The following PAK1 variants were observed in gnomAD, a reference collection of about 807,000 sequenced individuals.
The protein encoded by PAK1 is serine/threonine-protein kinase PAK 1.
PAK1 carries 29 observed loss-of-function variants against 67.4 expected under a neutral mutation model. The observed-to-expected ratio is 0.43, with a 90% CI of 0.32 to 0.59. PAK1 has a LOEUF of 0.59. Ranked by LOEUF, PAK1 falls within the 20% of genes least tolerant of loss-of-function variation. The pLI, the probability that PAK1 is intolerant of heterozygous loss-of-function variation, is 0.07. For missense variants in PAK1, 337 were observed against 670.7 expected (o/e 0.50, Z 5.50); for synonymous variants, 223 against 237.4 (o/e 0.94, Z 0.56).
chr11:77,466,529 G>A (rs1592583161), intron 1 of PAK1, among the ~76,000 whole-genome samples: 1 of 152,058 alleles, frequency 6.6e-6, no homozygotes, highest in African/African-American at 2.4e-5. Flanking sequence ...CGTGAACCCG[G>A]GAGGCAGAGC....
At chr11:77,339,130 T>C (rs1251718207) in intron 11 of PAK1, among the ~76,000 whole-genome samples, 3 of 152,262 alleles carry the variant, frequency 2.0e-5, no homozygotes, top group East Asian at 3.9e-4. Context: ...AACTGAAGAA[T>C]AGTAATACCA....
At chr11:77,435,984 G>A (rs1956115034) in intron 1 of PAK1, among the ~76,000 whole-genome samples, 9 of 152,212 alleles carry the variant, frequency 5.9e-5, no homozygotes, top group Admixed American at 5.9e-4. Flanking sequence ...AGGCGCTAGA[G>A]TATGTGTACA....
chr11:77,342,765 A>G (rs536577217), intron 10 of PAK1, among the ~76,000 whole-genome samples: 1 of 152,284 alleles, frequency 6.6e-6, no homozygotes, highest in Admixed American at 6.5e-5. Flanking sequence ...TATGAAATCT[A>G]CCAGTAACAG....
At chr11:77,423,346 AC>A (rs1955376436) in intron 1 of PAK1, among the ~76,000 whole-genome samples, 1 of 150,278 alleles carries the variant, frequency 6.7e-6, no homozygotes, top group Admixed American at 6.6e-5. Context: ...AAAAAAAAAA[AC>A]AGAATAAGAA....
At chr11:77,345,593 G>T (rs1944302445) in intron 9 of PAK1, among the ~76,000 whole-genome samples, 1 of 152,136 alleles carries the variant, frequency 6.6e-6, no homozygotes, top group African/African-American at 2.4e-5. Flanking sequence ...CAGAGACCAG[G>T]TTAATCATTT....
chr11:77,326,727 C>G (rs932800139), intron 14 of PAK1, among the ~76,000 whole-genome samples: 1 of 152,024 alleles, frequency 6.6e-6, no homozygotes, highest in South Asian at 2.1e-4. Context: ...AAAATCAGAG[C>G]GCCTCTCCTC....
upstream of PAK1, chr11:77,474,561 T>G (rs1344866353): frequency 6.6e-6 from 1 of 152,142 alleles, no homozygotes; most frequent in Non-Finnish European, 1.5e-5. Flanking sequence ...AGGGTCCTTT[T>G]CAGGTTAACA....
rs902379573 is a variant in PAK1, at chr11:77,379,515, T to A, written c.292-127A>T. The stretch of plus-strand genomic sequence containing the variant: ...TTTATTAGTCATTCCTTTCTCTCTA[T>A]ACTCTCAGAGTTTACACAAGCCTCT... On this transcript the variant is annotated intron_variant, in intron 3 of 14. Coordinates refer to ENST00000356341, the MANE Select transcript of PAK1 (RefSeq NM_002576.5). 4 of 808,132 alleles carry A rather than the reference T, an allele frequency of 4.9e-6. No homozygotes were observed. The African/African-American group carries it at 5.2e-5, about 10-fold the overall frequency. 50.1% of individuals were successfully genotyped at this position (808,132 alleles called of 1,614,324 possible). A position where few individuals can be genotyped will look rare whatever the true frequency, so the allele number is the denominator to read the frequency against.
At chr11:77,409,385 T>C (rs535275512) in intron 1 of PAK1, among the ~76,000 whole-genome samples, 1 of 152,226 alleles carries the variant, frequency 6.6e-6, no homozygotes, top group African/African-American at 2.4e-5. Flanking sequence ...CTATGGAGAA[T>C]AGCATGGAGG....
intron 4 of PAK1, among the ~76,000 whole-genome samples, chr11:77,377,535 A>G (rs1592075260): frequency 6.6e-6 from 1 of 152,220 alleles, no homozygotes; most frequent in Non-Finnish European, 1.5e-5. Flanking sequence ...TGCATGCATG[A>G]ATGAACATAC....
At chr11:77,513,888 A>C in the PAK1 span, among the ~76,000 whole-genome samples, 1 of 152,062 alleles carries the variant, frequency 6.6e-6, no homozygotes, top group Non-Finnish European at 1.5e-5. Context: ...GGAGACTAAC[A>C]CATTTATTAG....
At chr11:77,371,524 G>A (rs1948424001) in intron 5 of PAK1, among the ~76,000 whole-genome samples, 1 of 152,190 alleles carries the variant, frequency 6.6e-6, no homozygotes, top group South Asian at 2.1e-4. Context: ...GCAGAATTTT[G>A]TGCTGGTTTC....
At chr11:77,346,715 G>A (rs1323260439) in intron 9 of PAK1, among the ~76,000 whole-genome samples, 5 of 152,074 alleles carry the variant, frequency 3.3e-5, no homozygotes, top group African/African-American at 9.7e-5. Flanking sequence ...GCTAGATGAC[G>A]TACTTATATT....
chr11:77,471,046 T>C (rs542452224), intron 1 of PAK1, among the ~76,000 whole-genome samples: 42 of 152,348 alleles, frequency 2.8e-4, no homozygotes, highest in Admixed American at 1.6e-3. Flanking sequence ...TGGCAATACA[T>C]AGAATTAAAT....
the PAK1 span, among the ~76,000 whole-genome samples, chr11:77,490,412 G>C: frequency 2.8e-4 from 42 of 147,762 alleles, no homozygotes; most frequent in African/African-American, 1.0e-3. Flanking sequence ...ACTGGGAAGT[G>C]AGGAGCCCCT....
intron 1 of PAK1, among the ~76,000 whole-genome samples, chr11:77,470,401 T>A (rs556995545): frequency 6.6e-6 from 1 of 152,188 alleles, no homozygotes; most frequent in African/African-American, 2.4e-5. Context: ...ACTTATCATG[T>A]CATATTATCT....
chr11:77,458,569 T>C (rs1277179170), intron 1 of PAK1, among the ~76,000 whole-genome samples: 1 of 152,226 alleles, frequency 6.6e-6, no homozygotes, highest in East Asian at 1.9e-4. Context: ...TTTTCAACAT[T>C]CATTTTAGAA....
chr11:77,342,142 C>T (rs1445733781), intron 10 of PAK1, among the ~76,000 whole-genome samples: 1 of 152,110 alleles, frequency 6.6e-6, no homozygotes, highest in Non-Finnish European at 1.5e-5. Flanking sequence ...CCCTCTGGGA[C>T]ATCTCACAAA....
intron 1 of PAK1, among the ~76,000 whole-genome samples, chr11:77,410,791 G>T (rs1426999480): frequency 6.6e-6 from 1 of 151,690 alleles, no homozygotes; most frequent in African/African-American, 2.4e-5. Context: ...GAGGAAAGAG[G>T]TCCAAAATAA....
Sources: allele counts gnomAD v4.1 joint callset (sites outside exome capture counted in the v4.1 genomes callset), GRCh38; gene constraint gnomAD v4.1.1; transcripts MANE v1.5; gene names NCBI Gene and HGNC (gene_info 2026-07-23, HGNC 2026-07-21).